The following APBA2 variants were observed in gnomAD, a reference collection of about 807,000 sequenced individuals.
APBA2 encodes the protein amyloid-beta A4 precursor protein-binding family A member 2.
APBA2 carries 30 observed loss-of-function variants against 75.0 expected under a neutral mutation model. The observed-to-expected ratio is 0.40, with a 90% CI of 0.30 to 0.54. APBA2 has a LOEUF of 0.54. Among genes scored for constraint, APBA2 ranks in the 20% least tolerant of loss-of-function variants. APBA2 has a pLI of 0.49. For missense variants in APBA2, 801 were observed against 1,016.1 expected, an observed-to-expected ratio of 0.79 and a Z score of 2.88; for synonymous variants, 444 against 409.6, an observed-to-expected ratio of 1.08 and a Z score of -1.01.
chr15:29,088,924 C>T (rs2043420508), intron 6 of APBA2, among the ~76,000 whole-genome samples: 1 of 152,300 alleles, frequency 6.6e-6, no homozygotes, highest in African/African-American at 2.4e-5. Flanking sequence ...AGGGCCTTTG[C>T]ACCTGCTCCC....
chr15:28,905,796 T>C (rs562449581), intron 1 of APBA2, among the ~76,000 whole-genome samples: 17 of 152,348 alleles, frequency 1.1e-4, no homozygotes, highest in African/African-American at 3.8e-4. Context: ...AGAAGGACCC[T>C]GGCTCCATCA....
chr15:28,971,825 A>G (rs1464987309), intron 2 of APBA2, among the ~76,000 whole-genome samples: 3 of 152,184 alleles, frequency 2.0e-5, no homozygotes, highest in Non-Finnish European at 4.4e-5. Context: ...GACTCTACTC[A>G]TCAGCTTTTG....
chr15:28,986,432 G>T (rs768656258), intron 2 of APBA2, among the ~76,000 whole-genome samples: 1 of 152,140 alleles, frequency 6.6e-6, no homozygotes, highest in Non-Finnish European at 1.5e-5. Context: ...AAGAAGGAGC[G>T]CCACTTCTCA....
At chr15:29,029,191 G>A (rs1271047542) in intron 3 of APBA2, among the ~76,000 whole-genome samples, 4 of 152,032 alleles carry the variant, frequency 2.6e-5, no homozygotes, top group African/African-American at 9.7e-5. Context: ...TGTATGAGGT[G>A]TAAGGAAGGG....
chr15:29,002,810 A>G (rs1012973621), intron 3 of APBA2, among the ~76,000 whole-genome samples: 1 of 152,018 alleles, frequency 6.6e-6, no homozygotes, highest in African/African-American at 2.4e-5. Flanking sequence ...TGGTGGCCGC[A>G]TACTGTGAAT....
chr15:29,080,687 T>G lies in APBA2; in HGVS notation c.1069+4596T>G, dbSNP rs2043049577. ...ACAGGACGTGGTGTCTGGCAGCAGC[T>G]TGAGCCCAAGCTGCTTAGAGGGTCA... is the stretch of plus-strand genomic sequence containing the variant. On this transcript the variant is annotated intron_variant, in intron 6 of 14. Transcript: ENST00000683413. Among the ~76,000 whole-genome samples the G allele has an allele frequency of 3.3e-5, 5 of 152,190 alleles. No homozygotes were observed. In the South Asian group the frequency reaches 1.0e-3, roughly 32 times the overall value.
chr15:28,904,766 T>A (rs899474039), intron 1 of APBA2, among the ~76,000 whole-genome samples: 7 of 152,216 alleles, frequency 4.6e-5, no homozygotes, highest in Admixed American at 1.3e-4. Flanking sequence ...TGACCCAGCT[T>A]CCTAGGCTGG....
chr15:28,935,637 G>C (rs2034819789), intron 2 of APBA2, among the ~76,000 whole-genome samples: 1 of 152,208 alleles, frequency 6.6e-6, no homozygotes, highest in African/African-American at 2.4e-5. Flanking sequence ...TGAGGAGGCA[G>C]AGGAGTCAGC....
At chr15:28,984,882 C>T (rs925092101) in intron 2 of APBA2, among the ~76,000 whole-genome samples, 11 of 151,148 alleles carry the variant, frequency 7.3e-5, no homozygotes, top group African/African-American at 2.7e-4. Flanking sequence ...TCTCTCCCCC[C>T]ACTGCCATCT....
intron 3 of APBA2, among the ~76,000 whole-genome samples, chr15:29,014,528 A>G (rs918583771): frequency 1.1e-4 from 17 of 152,194 alleles, no homozygotes. Context: ...CAAAAAATGC[A>G]GTTTCTCTAT....
At chr15:28,966,062 T>C (rs1051715931) in intron 2 of APBA2, among the ~76,000 whole-genome samples, 3 of 151,890 alleles carry the variant, frequency 2.0e-5, no homozygotes, top group African/African-American at 4.9e-5. Context: ...GGTCAACATA[T>C]TCTGCATGAT....
At chr15:28,909,810 A>G (rs1466260286) in intron 1 of APBA2, among the ~76,000 whole-genome samples, 2 of 152,236 alleles carry the variant, frequency 1.3e-5, no homozygotes, top group Non-Finnish European at 2.9e-5. Context: ...CCGTGTGACC[A>G]CAGGGCTTCT....
chr15:28,953,173 C>T (rs934966092), intron 2 of APBA2, among the ~76,000 whole-genome samples: 2 of 152,126 alleles, frequency 1.3e-5, no homozygotes, highest in South Asian at 2.1e-4. Context: ...CCCCTCATCA[C>T]TCCCTACCAG....
At chr15:29,030,007 T>A (rs2040407325) in intron 3 of APBA2, among the ~76,000 whole-genome samples, 1 of 152,156 alleles carries the variant, frequency 6.6e-6, no homozygotes, top group Admixed American at 6.5e-5. Flanking sequence ...CATGTGGAGC[T>A]CTGGGTTCGA....
In APBA2 at chr15:29,105,456, C is replaced by A; in HGVS notation, c.1602C>A (p.Asn534Lys). 1 of 1,613,930 alleles carries A rather than the reference C, an allele frequency of 6.2e-7. No homozygotes were observed. The highest frequency in any genetic ancestry group is 8.5e-7 in the Non-Finnish European group (1 of 1,180,038). ...AGTTCCTGCGAGCCAATGGCATCAA[C>A]CCCGAAGACTTGAGCCAGAAGGAAT... ...YQEFLRANGI[N>K]PEDLSQKEYS... is the part of the protein sequence containing the mutation. Residue 534 changes from asparagine to lysine, a missense_variant, in exon 11 of 15, where the codon AAC becomes AAA. Coordinates refer to ENST00000683413, the MANE Select transcript of APBA2 (RefSeq NM_001353788.2).
At chr15:29,060,873 T>C (rs773116731) in intron 4 of APBA2, among the ~76,000 whole-genome samples, 1 of 152,200 alleles carries the variant, frequency 6.6e-6, no homozygotes, top group Non-Finnish European at 1.5e-5. Context: ...TTAGTATTAC[T>C]ACACCTACCC....
chr15:29,045,413 A>G (rs149906412), intron 3 of APBA2, among the ~76,000 whole-genome samples: 131 of 152,080 alleles, frequency 8.6e-4, no homozygotes, highest in African/African-American at 2.8e-3. Flanking sequence ...ATAAGGGCAC[A>G]GTCCCACTCA....
intron 14 of APBA2, among the ~76,000 whole-genome samples, chr15:29,114,312 T>A (rs868440452): frequency 6.6e-6 from 1 of 152,236 alleles, no homozygotes; most frequent in Admixed American, 6.5e-5. Context: ...CACACAGCTC[T>A]GGCCACCCTG....
At chr15:29,066,030 C>T (rs1481018934) in intron 4 of APBA2, among the ~76,000 whole-genome samples, 3 of 152,230 alleles carry the variant, frequency 2.0e-5, no homozygotes, top group Non-Finnish European at 4.4e-5. Flanking sequence ...CATTTACCCT[C>T]TTTCTCATTA....
Sources: allele counts gnomAD v4.1 joint callset (sites outside exome capture counted in the v4.1 genomes callset), GRCh38; gene constraint gnomAD v4.1.1; transcripts MANE v1.5; gene names NCBI Gene and HGNC (gene_info 2026-07-23, HGNC 2026-07-21).